The following GSG1 variants were observed in gnomAD, a reference collection of about 807,000 sequenced individuals.
The protein encoded by GSG1 is germ cell associated 1, also known as germ cell-specific gene 1 protein.
Under a neutral mutation model 30.8 loss-of-function variants are expected in GSG1, and 28 were observed. The ratio of observed to expected loss-of-function variants is 0.91; its 90% CI spans 0.67 to 1.25. The LOEUF (loss-of-function observed/expected upper bound fraction) is 1.25, where lower values mean the gene tolerates loss of function less well. Ranked by LOEUF, GSG1 falls within the 50% of genes most tolerant of loss-of-function variation. The pLI, the probability that GSG1 is intolerant of heterozygous loss-of-function variation, is 0.00. For missense variants in GSG1, 435 were observed against 444.7 expected (o/e 0.98, Z 0.20); for synonymous variants, 162 against 178.0 (o/e 0.91, Z 0.71).
rs1360972430 is a variant in GSG1 at position 13,101,931 on chromosome 12, A to G, written c.48+1534T>C. Among the ~76,000 whole-genome samples, 1 of 152,196 alleles carries G rather than the reference A, an allele frequency of 6.6e-6. No individual in the cohort carries two copies. The highest frequency in any genetic ancestry group is 1.5e-5 in the Non-Finnish European group (1 of 68,026). On this transcript the variant is annotated intron_variant, in intron 1 of 6. Coordinates refer to ENST00000651961, the MANE Select transcript of GSG1 (RefSeq NM_001080555.4). This position sits in a 1 kb window ranked among gnomAD's most constrained non-coding sequence, Gnocchi z 5.8. Reference sequence around the variant, plus strand: ...CTCCCAGAGGGTTAAATTTACCCTCAGGGGTAAATGAGGGCAAAGAGTTGT... The same window carrying G: ...CTCCCAGAGGGTTAAATTTACCCTCGGGGGTAAATGAGGGCAAAGAGTTGT...
rs1241967067 is a variant in GSG1, at chr12:13,087,929, A to T, written c.612T>A (p.Ala204=). 6.2e-7 allele frequency: 1 copy of T among 1,614,158 alleles called. No individual in the cohort carries two copies. Residue 204 remains alanine (A), a synonymous_variant, in exon 5 of 7, where the codon GCT becomes GCA. Coordinates refer to ENST00000651961, the MANE Select transcript of GSG1 (RefSeq NM_001080555.4). ...CACCTGACAGGACAGAGGAAACAGC[A>T]GCAAAGGCGCTCAGTTTGAGCCCAC... ...PACGLKLSAF[A]AVSSVLSGLL... is the part of the protein sequence containing the mutation.
At chr12:13,085,959 A>G (rs1020044987) in intron 6 of GSG1, among the ~76,000 whole-genome samples, 9 of 152,226 alleles carry the variant, frequency 5.9e-5, no homozygotes, top group African/African-American at 1.9e-4. Context: ...AAAAGAAGAC[A>G]TTAGGCAACC....
At chr12:13,099,460 C>T (rs1186325194) in intron 1 of GSG1, among the ~76,000 whole-genome samples, 1 of 152,202 alleles carries the variant, frequency 6.6e-6, no homozygotes, top group Non-Finnish European at 1.5e-5. Flanking sequence ...CCATTTATGA[C>T]ACCACAAGGC....
chr12:13,085,478 TTGA>T, intron 6 of GSG1, among the ~76,000 whole-genome samples: 2 of 152,132 alleles, frequency 1.3e-5, no homozygotes, highest in South Asian at 4.2e-4. Flanking sequence ...TTTCACTGAA[TTGA>T]TGAGTTGTCG....
Position 13,088,862 on chromosome 12 carries a change from C to A in GSG1, c.481G>T (p.Glu161Ter). 6.2e-7 allele frequency: 1 copy of A among 1,614,200 alleles called. No individual in the cohort carries two copies. Among genetic ancestry groups the A allele is most frequent in the Non-Finnish European group, 8.5e-7 (1 of 1,180,042 alleles). ...GCAAATTCCAGTAGTCCTTTCTCAC[C>A]TCTCTTGGCTGGTGGTGTAAGTTCA... ...FIELTPPAKR[E>*]ILWLSLGTQI... Residue 161 changes from glutamate (E) to a stop codon, truncating the protein, a stop_gained and splice_region_variant, in exon 4 of 7, where the codon GAA becomes TAA. Coordinates refer to ENST00000651961, the MANE Select transcript of GSG1 (RefSeq NM_001080555.4). LOFTEE classifies it high-confidence loss of function.
chr12:13,102,131 G>C (rs935052936), intron 1 of GSG1, among the ~76,000 whole-genome samples: 1 of 152,140 alleles, frequency 6.6e-6, no homozygotes, highest in Non-Finnish European at 1.5e-5. Flanking sequence ...ACAAGTGAGG[G>C]TTCCGATTCG....
intron 1 of GSG1, among the ~76,000 whole-genome samples, chr12:13,091,420 G>A (rs1331128218): frequency 6.6e-6 from 1 of 152,246 alleles, no homozygotes; most frequent in African/African-American, 2.4e-5. Context: ...ATTAGATCAG[G>A]CCAGATGCAG....
intron 2 of GSG1, 60 bp downstream of exon 2, chr12:13,090,442 CT>C: frequency 6.7e-7 from 1 of 1,492,094 alleles, no homozygotes; most frequent in Non-Finnish European, 9.1e-7. Context: ...ATTTCCATGC[CT>C]GCATTAGATC....
At chr12:13,088,266 C>G (rs1246226420) in intron 4 of GSG1, among the ~76,000 whole-genome samples, 4 of 151,166 alleles carry the variant, frequency 2.6e-5, no homozygotes, top group African/African-American at 7.2e-5. Context: ...CCAATATATA[C>G]CCAAGTAAGC....
Position 13,084,717 on chromosome 12 carries a change from G to T in GSG1, c.*184C>A. The T allele has an allele frequency of 2.0e-6, 1 of 512,504 alleles. No homozygotes were observed. 31.7% of individuals were successfully genotyped at this position (512,504 alleles called of 1,614,324 possible). A position where few individuals can be genotyped will look rare whatever the true frequency, so the allele number is the denominator to read the frequency against. On this transcript the variant is annotated 3_prime_UTR_variant, in exon 7 of 7. Transcript: ENST00000651961. ...GGGGTGGGTGAAACAAGATGGAGCTGTAGAGGAAAAGAGAGCAGTGGCACC... is the reference window on the plus strand; with the variant it reads ...GGGGTGGGTGAAACAAGATGGAGCTTTAGAGGAAAAGAGAGCAGTGGCACC...
chr12:13,103,320 A>G, intron 1 of GSG1, 145 bp downstream of exon 1: 2 of 681,340 alleles, frequency 2.9e-6, no homozygotes, highest in South Asian at 3.6e-5. Flanking sequence ...TCCATTTTGT[A>G]GAACCCTATA....
chr12:13,095,703 C>T (rs1866610432), intron 1 of GSG1: 1 of 1,595,464 alleles, frequency 6.3e-7, no homozygotes, highest in Non-Finnish European at 8.5e-7. Context: ...AACTGTCTTC[C>T]TACCCTCCTC....
chr12:13,088,791 CTTCCCTCCAAATCGGAGAGTGG>C, intron 4 of GSG1, 49 bp downstream of exon 4: 1 of 1,614,162 alleles, frequency 6.2e-7, no homozygotes, highest in African/African-American at 1.3e-5. Context: ...CCATCAACCG[CTTCCCTCCAAATCGGAGAGTGG>C]GGTGACATGG....
intron 1 of GSG1, among the ~76,000 whole-genome samples, chr12:13,100,007 C>T (rs1192290203): frequency 6.6e-6 from 1 of 152,218 alleles, no homozygotes; most frequent in Non-Finnish European, 1.5e-5. Flanking sequence ...GCATGTGCCT[C>T]TCTCGTGTAA....
In GSG1 at chr12:13,088,045, A is replaced by T. The variant is rs1565527159; in HGVS notation, c.496T>A (p.Ser166Thr). ...PPAKREILWL[S>T]LGTQITYIGL... ...ATGTAGGTGATCTGCGTTCCCAGGG[A>T]TAACCATAGGATTTCTGCCAGAAAC... Residue 166 changes from serine to threonine, a missense_variant, in exon 5 of 7, where the codon TCC becomes ACC. Ser to Thr is a moderately conservative substitution (Grantham distance 58). Transcript: ENST00000651961. 3 of 1,614,110 alleles carry T rather than the reference A, an allele frequency of 1.9e-6. No individual in the cohort carries two copies. Among genetic ancestry groups the T allele is most frequent in the Non-Finnish European group, 2.5e-6 (3 of 1,180,048 alleles).
chr12:13,092,266 G>A (rs537749367), intron 1 of GSG1, among the ~76,000 whole-genome samples: 2 of 152,272 alleles, frequency 1.3e-5, no homozygotes, highest in African/African-American at 4.8e-5. Context: ...TACCTTTATG[G>A]TGAGTGCCAT....
chr12:13,088,090 C>T (rs748866035), intron 4 of GSG1, 31 bp from the exon 5 acceptor site: 3 of 1,613,168 alleles, frequency 1.9e-6, no homozygotes, highest in East Asian at 2.2e-5. Flanking sequence ...AGGGAGCGCT[C>T]ACCCTGACAG....
At position 13,088,537 on chromosome 12, in the gene GSG1, T is replaced by C. The variant is rs1464651397; in HGVS notation, c.481+325A>G. ...GGCAACAAGAGTAGGTTAGCACTGT[T>C]GGTGGTTTTCTATTTGTGAATCTTA... On this transcript the variant is annotated intron_variant, in intron 4 of 6. Transcript: ENST00000651961. 2.6e-5 allele frequency among the ~76,000 whole-genome samples: 4 copies of C among 152,202 alleles called. No individual in the cohort carries two copies. The East Asian group carries it at 7.7e-4, about 29-fold the overall frequency.
chr12:13,090,943 G>A, intron 1 of GSG1, 125 bp from the exon 2 acceptor site: 2 of 765,170 alleles, frequency 2.6e-6, no homozygotes, highest in South Asian at 1.8e-5. Context: ...AAGGCAGATA[G>A]GCACAACCCG....
Sources: allele counts gnomAD v4.1 joint callset (sites outside exome capture counted in the v4.1 genomes callset), GRCh38; gene constraint gnomAD v4.1.1; non-coding constraint Gnocchi (gnomAD v3.1); transcripts MANE v1.5; gene names NCBI Gene and HGNC (gene_info 2026-07-23, HGNC 2026-07-21).